The following FAM13A variants were observed in gnomAD, a reference collection of about 807,000 sequenced individuals.
The protein encoded by FAM13A is protein FAM13A.
Under a neutral mutation model 129.6 loss-of-function variants are expected in FAM13A, and 76 were observed. That is an observed-to-expected ratio of 0.59 (90% CI 0.49 to 0.71). The LOEUF (loss-of-function observed/expected upper bound fraction) is 0.71, where lower values mean the gene tolerates loss of function less well. Among genes scored for constraint, FAM13A ranks in the 30% least tolerant of loss-of-function variants. The probability of loss-of-function intolerance (pLI) is 0.00; values close to 1 mark genes in which losing one functional copy is unlikely to be tolerated. For missense variants in FAM13A, 1,108 were observed against 1,249.3 expected, an observed-to-expected ratio of 0.89 and a Z score of 1.70; for synonymous variants, 443 against 449.9, an observed-to-expected ratio of 0.98 and a Z score of 0.20.
intron 7 of FAM13A, among the ~76,000 whole-genome samples, chr4:88,850,573 G>GT (rs34995651): frequency 7.2e-5 from 11 of 151,810 alleles, no homozygotes; most frequent in Non-Finnish European, 1.0e-4. Flanking sequence ...AAAAATTGCA[G>GT]TTTTTTTTCT....
chr4:88,929,636 C>T (rs1015250721), intron 5 of FAM13A, among the ~76,000 whole-genome samples: 2 of 151,832 alleles, frequency 1.3e-5, no homozygotes, highest in Non-Finnish European at 2.9e-5. Flanking sequence ...GACCTGTCTT[C>T]AAGTTCTGAG....
chr4:88,953,687 A>T (rs1757301938), intron 4 of FAM13A, among the ~76,000 whole-genome samples: 1 of 152,068 alleles, frequency 6.6e-6, no homozygotes, highest in African/African-American at 2.4e-5. Context: ...TATGAATTTT[A>T]TGATTTTAGG....
chr4:88,886,015 A>C (rs1218513176), intron 6 of FAM13A, among the ~76,000 whole-genome samples: 1 of 151,786 alleles, frequency 6.6e-6, no homozygotes, highest in Non-Finnish European at 1.5e-5. Flanking sequence ...AAAAAAAAAA[A>C]ATAGACGTTG....
intron 3 of FAM13A, among the ~76,000 whole-genome samples, chr4:89,007,704 A>G (rs2149075102): frequency 6.6e-6 from 1 of 152,340 alleles, no homozygotes; most frequent in Non-Finnish European, 1.5e-5. Context: ...TGGCCATACT[A>G]ATGCAGAGAG....
rs1722555298 is a variant in FAM13A at position 88,780,053 on chromosome 4, T to C, written c.1458+1112A>G. Reference sequence around the variant, plus strand: ...TGAAATCATCAGTGTTAAAAAATAGTGTGTCATGATTCCAAACTTTAAATT... The same window carrying C: ...TGAAATCATCAGTGTTAAAAAATAGCGTGTCATGATTCCAAACTTTAAATT... On this transcript the variant is annotated intron_variant, in intron 11 of 23. Transcript: ENST00000264344. 2.0e-5 allele frequency among the ~76,000 whole-genome samples: 3 copies of C among 152,302 alleles called. No individual in the cohort carries two copies. The South Asian group carries it at 6.2e-4, about 32-fold the overall frequency.
chr4:89,014,104 AAAATGAATGAATGAAT>A (rs1449325943), intron 3 of FAM13A, among the ~76,000 whole-genome samples: 5 of 152,216 alleles, frequency 3.3e-5, no homozygotes, highest in African/African-American at 7.2e-5. Context: ...GGCAGGTTAG[AAAATGAATGAATGAAT>A]AAATGAATGA....
chr4:88,939,688 G>A (rs1273157818), intron 4 of FAM13A, among the ~76,000 whole-genome samples: 1 of 152,108 alleles, frequency 6.6e-6, no homozygotes. Flanking sequence ...TCGCTCCCAT[G>A]ATTGTGTCAC....
chr4:88,838,248 T>C (rs1411393946), intron 7 of FAM13A, among the ~76,000 whole-genome samples: 3 of 152,226 alleles, frequency 2.0e-5, no homozygotes, highest in African/African-American at 7.2e-5. Flanking sequence ...ACAAAAGTTT[T>C]GAAGACTGCT....
At chr4:88,923,381 T>A (rs980648883) in intron 5 of FAM13A, among the ~76,000 whole-genome samples, 1 of 152,218 alleles carries the variant, frequency 6.6e-6, no homozygotes. Context: ...ATCCCTGGGA[T>A]GCAAGGCTGG....
intron 19 of FAM13A, among the ~76,000 whole-genome samples, chr4:88,741,936 AAATGACAG>A (rs1302779040): frequency 6.6e-6 from 1 of 152,252 alleles, no homozygotes; most frequent in Non-Finnish European, 1.5e-5. Context: ...GTCACATGTA[AAATGACAG>A]AATTTAGGAC....
Position 88,875,253 on chromosome 4 carries a change from A to G in FAM13A, c.844-24070T>C, listed in dbSNP as rs550707048. On this transcript the variant is annotated intron_variant, in intron 6 of 23. Coordinates refer to ENST00000264344, the MANE Select transcript of FAM13A (RefSeq NM_014883.4). ...TGGGCAAAGACTTCATGGATAAAAC[A>G]CCAAAAGCAATGGCCACAAAAGCCG... 3.6e-3 allele frequency among the ~76,000 whole-genome samples: 548 copies of G among 152,332 alleles called. 4 individuals are homozygous for G. Among genetic ancestry groups the G allele is most frequent in the Non-Finnish European group, 4.1e-3 (280 of 68,024 alleles).
At chr4:88,982,965 G>C (rs950589885) in intron 4 of FAM13A, among the ~76,000 whole-genome samples, 6 of 152,116 alleles carry the variant, frequency 3.9e-5, no homozygotes, top group Non-Finnish European at 7.4e-5. Context: ...CTCACCTCCA[G>C]TGATTGATGG....
chr4:89,019,471 G>A (rs976377741), intron 3 of FAM13A, among the ~76,000 whole-genome samples: 1 of 152,014 alleles, frequency 6.6e-6, no homozygotes, highest in Non-Finnish European at 1.5e-5. Flanking sequence ...CTTAAAAAGC[G>A]AGTTCCTGGC....
At chr4:88,831,001 G>A (rs1318272436) in intron 7 of FAM13A, among the ~76,000 whole-genome samples, 1 of 150,334 alleles carries the variant, frequency 6.7e-6, no homozygotes, top group Non-Finnish European at 1.5e-5. Flanking sequence ...TTTTTTAAGT[G>A]AATTTCTTGT....
intron 2 of FAM13A, among the ~76,000 whole-genome samples, chr4:89,027,615 G>A (rs1001773141): frequency 1.3e-5 from 2 of 151,542 alleles, no homozygotes; most frequent in East Asian, 3.9e-4. Flanking sequence ...TTATTAAGTC[G>A]AGAACTCACC....
At chr4:88,883,329 G>A (rs1411253152) in intron 6 of FAM13A, among the ~76,000 whole-genome samples, 1 of 151,540 alleles carries the variant, frequency 6.6e-6, no homozygotes, top group Non-Finnish European at 1.5e-5. Context: ...AAGCCACAGT[G>A]GAATAAAATT....
intron 4 of FAM13A, chr4:88,990,644 T>C (rs1470499831): frequency 9.8e-6 from 2 of 203,236 alleles, no homozygotes; most frequent in Non-Finnish European, 2.0e-5. Context: ...TTATTCACTA[T>C]GTCATACTCC....
intron 6 of FAM13A, among the ~76,000 whole-genome samples, chr4:88,903,930 A>C (rs1422883812): frequency 1.3e-5 from 2 of 152,086 alleles, no homozygotes; most frequent in Non-Finnish European, 2.9e-5. Context: ...ATTTATAAGA[A>C]AAAAAATCCT....
intron 7 of FAM13A, among the ~76,000 whole-genome samples, chr4:88,834,781 A>C (rs1367980318): frequency 2.6e-5 from 4 of 152,220 alleles, no homozygotes; most frequent in Admixed American, 2.6e-4. Flanking sequence ...AATAGTACAG[A>C]ATTTGGCCAA....
Sources: gnomAD v4.1 joint callset for allele counts (sites outside exome capture counted in the v4.1 genomes callset) on GRCh38, gnomAD v4.1.1 for gene constraint, MANE v1.5 for transcripts, NCBI Gene and HGNC (gene_info 2026-07-23, HGNC 2026-07-21) for gene names.